Variants in UBXN2A observed in about 807,000 individuals in gnomAD.
UBXN2A encodes UBX domain protein 2A, also known as UBX domain-containing protein 2A.
UBXN2A carries 28 observed loss-of-function variants against 28.4 expected under a neutral mutation model. The observed-to-expected ratio is 0.99, with a 90% CI of 0.73 to 1.35. The LOEUF is 1.35. Among genes scored for constraint, UBXN2A ranks in the 40% most tolerant of loss-of-function variants. The pLI is 0.00. For synonymous variants in UBXN2A, 97 were observed against 103.6 expected (o/e 0.94, Z 0.39); for missense variants, 253 against 297.9 (o/e 0.85, Z 1.11).
chr2:23,932,293 G>A (rs767376232), intron 1 of UBXN2A, among the ~76,000 whole-genome samples: 19 of 151,318 alleles, frequency 1.3e-4, no homozygotes, highest in Non-Finnish European at 2.4e-4. Context: ...ACTCTATCCT[G>A]GGTGACAGAG....
chr2:23,929,074 G>A (rs1705290576), intron 1 of UBXN2A, among the ~76,000 whole-genome samples: 1 of 152,102 alleles, frequency 6.6e-6, no homozygotes. Flanking sequence ...GATGGCTTGA[G>A]ACCAGGAGTT....
chr2:23,958,443 G>A lies in UBXN2A; in HGVS notation c.41+88G>A, dbSNP rs931820875. On this transcript the variant is annotated intron_variant, in intron 2 of 6. Coordinates refer to ENST00000309033, the MANE Select transcript of UBXN2A (RefSeq NM_181713.4). ...TTACATTTCACTTGCAGAGATAGTA[G>A]AGTACGTTTTAATTATGTATGACTA... 4 of 1,314,780 alleles carry A rather than the reference G, an allele frequency of 3.0e-6. No individual in the cohort carries two copies. The East Asian group carries it at 1.0e-4, about 33-fold the overall frequency. 81.4% of individuals were successfully genotyped at this position (1,314,780 alleles called of 1,614,324 possible).
chr2:23,994,681 C>T (rs1054093181), intron 6 of UBXN2A, among the ~76,000 whole-genome samples: 8 of 152,108 alleles, frequency 5.3e-5, no homozygotes, highest in Non-Finnish European at 1.2e-4. Context: ...TTTATTTTAT[C>T]TGTTGCTTCT....
chr2:23,972,865 C>T (rs546581472), intron 3 of UBXN2A, among the ~76,000 whole-genome samples: 1 of 152,008 alleles, frequency 6.6e-6, no homozygotes, highest in African/African-American at 2.4e-5. Context: ...TATCTCAAAC[C>T]TTGAATACAC....
At chr2:23,952,036 G>A (rs1265104376) in intron 1 of UBXN2A, among the ~76,000 whole-genome samples, 2 of 147,104 alleles carry the variant, frequency 1.4e-5, no homozygotes, top group Non-Finnish European at 3.0e-5. Flanking sequence ...GTATGATCTC[G>A]GCTCACTGCA....
At chr2:23,936,931 G>A (rs1295136191), upstream of UBXN2A, among the ~76,000 whole-genome samples, 8 of 151,888 alleles carry the variant, frequency 5.3e-5, no homozygotes, top group Admixed American at 1.3e-4. Flanking sequence ...GGCTCGTCTC[G>A]AACTCCTGGC....
chr2:23,997,993 G>T (rs1399164395), intron 6 of UBXN2A, among the ~76,000 whole-genome samples: 1 of 151,308 alleles, frequency 6.6e-6, no homozygotes, highest in Non-Finnish European at 1.5e-5. Context: ...TGTATTTTTA[G>T]TAAAGACAGA....
chr2:23,973,573 C>T (rs1163757829), intron 3 of UBXN2A, among the ~76,000 whole-genome samples: 2 of 149,892 alleles, frequency 1.3e-5, no homozygotes, highest in East Asian at 3.9e-4. Context: ...CTCCTGACCT[C>T]GTGATCTGCC....
At chr2:23,992,768 A>G (rs954985833) in intron 6 of UBXN2A, among the ~76,000 whole-genome samples, 1 of 152,202 alleles carries the variant, frequency 6.6e-6, no homozygotes, top group African/African-American at 2.4e-5. Flanking sequence ...TGATATTAAT[A>G]TGGTCATAAC....
chr2:23,990,920 A>G (rs1343905325), intron 6 of UBXN2A, among the ~76,000 whole-genome samples: 2 of 152,166 alleles, frequency 1.3e-5, no homozygotes, highest in East Asian at 1.9e-4. Context: ...CTTAAAAGCT[A>G]CTAAGCCATG....
intron 6 of UBXN2A, among the ~76,000 whole-genome samples, chr2:23,994,607 G>A (rs749796460): frequency 1.4e-4 from 21 of 152,136 alleles, no homozygotes; most frequent in African/African-American, 2.4e-5. Flanking sequence ...CAATTCTACT[G>A]TCACTTGTAG....
rs146255197 is a variant in UBXN2A, at chr2:23,948,171, C to T, written c.-15+7523C>T. ...TGCCGGGCTTTTAAAAAGTTTAATT[C>T]GTGAAATCAAAAGTAAAATTTCATA... On this transcript the variant is annotated intron_variant, in intron 1 of 6. Transcript: ENST00000309033. Among the ~76,000 whole-genome samples the T allele has an allele frequency of 2.9e-4, 44 of 150,040 alleles. No individual in the cohort carries two copies. In the East Asian group the frequency reaches 8.2e-3, roughly 28 times the overall value.
intron 6 of UBXN2A, 44 bp from the exon 7 acceptor site, chr2:23,999,628 C>A: frequency 1.3e-6 from 2 of 1,562,664 alleles, no homozygotes; most frequent in South Asian, 2.4e-5. Context: ...TTAGGTAATT[C>A]AAATTTTCCT....
chr2:23,976,914 T>C (rs893626478), intron 3 of UBXN2A, 55 bp from the exon 4 acceptor site: 1 of 1,464,104 alleles, frequency 6.8e-7, no homozygotes, highest in Non-Finnish European at 9.5e-7. Context: ...CAAAGGACTT[T>C]CAATCCTACT....
chr2:23,979,133 A>G (rs1425425255), intron 4 of UBXN2A, among the ~76,000 whole-genome samples: 1 of 152,130 alleles, frequency 6.6e-6, no homozygotes, highest in Non-Finnish European at 1.5e-5. Flanking sequence ...ACCTGAGGTC[A>G]GGAGTTCAAG....
At chr2:23,937,002 T>C (rs1705550062), upstream of UBXN2A, among the ~76,000 whole-genome samples, 1 of 152,094 alleles carries the variant, frequency 6.6e-6, no homozygotes, top group African/African-American at 2.4e-5. Flanking sequence ...TGAGCCACCG[T>C]GCCCGGCCTC....
At chr2:23,990,538 G>C (rs186711034) in intron 6 of UBXN2A, among the ~76,000 whole-genome samples, 1 of 138,894 alleles carries the variant, frequency 7.2e-6, no homozygotes, top group South Asian at 2.6e-4. Context: ...AGGCCGGGGG[G>C]GCGGGGGGGC....
intron 4 of UBXN2A, among the ~76,000 whole-genome samples, chr2:23,979,940 AC>A (rs149163053): frequency 1.2e-3 from 189 of 152,018 alleles, no homozygotes; most frequent in African/African-American, 4.4e-3. Flanking sequence ...AAAAAAAAAA[AC>A]CCAGCTATGT....
intron 3 of UBXN2A, among the ~76,000 whole-genome samples, chr2:23,975,306 ACTT>A (rs1287956232): frequency 1.3e-5 from 2 of 152,144 alleles, no homozygotes; most frequent in East Asian, 3.9e-4. Context: ...TACTACTACT[ACTT>A]ATTACATTTT....
Sources: allele counts gnomAD v4.1 joint callset (sites outside exome capture counted in the v4.1 genomes callset), GRCh38; gene constraint gnomAD v4.1.1; transcripts MANE v1.5; gene names NCBI Gene and HGNC (gene_info 2026-07-23, HGNC 2026-07-21).